The following CDKN3 variants were observed in gnomAD, a reference collection of about 807,000 sequenced individuals.
The protein encoded by CDKN3 is cyclin-dependent kinase inhibitor 3.
A neutral mutation model predicts 36.1 loss-of-function variants in CDKN3; 19 were observed. That is an observed-to-expected ratio of 0.53 (90% CI 0.37 to 0.77). The LOEUF (loss-of-function observed/expected upper bound fraction) is 0.77, where lower values mean the gene tolerates loss of function less well. CDKN3 is among the 30% of genes least tolerant of loss of function. The probability of loss-of-function intolerance (pLI) is 0.00; values close to 1 mark genes in which losing one functional copy is unlikely to be tolerated. For synonymous variants in CDKN3, 71 were observed against 85.3 expected, an observed-to-expected ratio of 0.83 and a Z score of 0.92; for missense variants, 188 against 248.6, an observed-to-expected ratio of 0.76 and a Z score of 1.64.
chr14:54,406,017 T>C (rs1050478546), intron 3 of CDKN3, among the ~76,000 whole-genome samples: 10 of 152,228 alleles, frequency 6.6e-5, no homozygotes. Flanking sequence ...TCAGGAGCTC[T>C]TGTAAGGCAG....
chr14:54,399,063 G>A (rs1451121285), intron 1 of CDKN3, among the ~76,000 whole-genome samples: 1 of 135,860 alleles, frequency 7.4e-6, no homozygotes, highest in Non-Finnish European at 1.5e-5. Flanking sequence ...CTGGCTCACT[G>A]CAACCTCTGC....
chr14:54,417,811 T>C, intron 6 of CDKN3, 37 bp from the exon 7 acceptor site: 1 of 1,172,854 alleles, frequency 8.5e-7, no homozygotes, highest in Non-Finnish European at 1.2e-6. Context: ...TCACTAGTTA[T>C]TTAATAACAT....
chr14:54,416,648 CTACAAGAAA>C (rs1348156255), intron 6 of CDKN3, among the ~76,000 whole-genome samples: 1 of 152,036 alleles, frequency 6.6e-6, no homozygotes, highest in Non-Finnish European at 1.5e-5. Flanking sequence ...AACCCCATCT[CTACAAGAAA>C]TACAAAAATT....
At chr14:54,415,854 G>T in intron 5 of CDKN3, 45 bp from the exon 6 acceptor site, 1 of 1,451,750 alleles carries the variant, frequency 6.9e-7, no homozygotes, top group Non-Finnish European at 9.7e-7. Flanking sequence ...TGTAACTAGG[G>T]ATGGAATGAA....
intron 1 of CDKN3, among the ~76,000 whole-genome samples, chr14:54,399,110 C>T (rs1886401869): frequency 6.6e-6 from 1 of 150,998 alleles, no homozygotes; most frequent in Non-Finnish European, 1.5e-5. Context: ...CTCAGCCTCC[C>T]GAGTAGCTGG....
intron 6 of CDKN3, 134 bp downstream of exon 6, chr14:54,416,064 G>A: frequency 1.5e-6 from 1 of 686,894 alleles, no homozygotes; most frequent in South Asian, 1.8e-5. Context: ...ATTACTTAAG[G>A]CCCTAAACAT....
chr14:54,413,553 TCA>T (rs2030431877), intron 5 of CDKN3: 2 of 1,260,390 alleles, frequency 1.6e-6, no homozygotes, highest in African/African-American at 3.0e-5. Flanking sequence ...GCTGAATGTT[TCA>T]GTCTCCCATA....
rs4251607 is a variant in CDKN3 at position 54,400,539 on chromosome 14, G to A, written c.92+563G>A. 1.1e-4 allele frequency among the ~76,000 whole-genome samples: 16 copies of A among 152,182 alleles called. No homozygotes were observed. The South Asian group carries it at 2.7e-3, about 26-fold the overall frequency. On this transcript the variant is annotated intron_variant, in intron 2 of 7. Transcript: ENST00000335183. ...TACATAAAATCAGCCTTTTAATCTTGGCAAGTGACTTATGGTTATACCAGA... is the reference window on the plus strand; with the variant it reads ...TACATAAAATCAGCCTTTTAATCTTAGCAAGTGACTTATGGTTATACCAGA...
chr14:54,399,798 C>T (rs1262989351), intron 1 of CDKN3, 96 bp from the exon 2 acceptor site: 4 of 725,966 alleles, frequency 5.5e-6, no homozygotes, highest in Non-Finnish European at 7.6e-6. Flanking sequence ...GAATACATTG[C>T]AAATATGAAT....
At chr14:54,411,737 A>G (rs1187244629) in intron 5 of CDKN3, 31 bp downstream of exon 5, 2 of 1,306,030 alleles carry the variant, frequency 1.5e-6, no homozygotes, top group Non-Finnish European at 2.2e-6. Context: ...ACTATGTGAG[A>G]AATGTCTCAG....
chr14:54,412,226 T>C lies in CDKN3; in HGVS notation c.416+520T>C, dbSNP rs4251641. Among the ~76,000 whole-genome samples the C allele has an allele frequency of 9.1e-3, 1,380 of 151,876 alleles. 10 individuals are homozygous for C. Among genetic ancestry groups the C allele is most frequent in the Non-Finnish European group, 0.015 (997 of 67,946 alleles). Reference sequence around the variant, plus strand: ...CAAAACCCCATCTCCGCAAAAAGTATACAAAAGAACATGCCAGGCATGGTG... The same window carrying C: ...CAAAACCCCATCTCCGCAAAAAGTACACAAAAGAACATGCCAGGCATGGTG... On this transcript the variant is annotated intron_variant, in intron 5 of 7. Coordinates refer to ENST00000335183, the MANE Select transcript of CDKN3 (RefSeq NM_005192.4).
intron 7 of CDKN3, among the ~76,000 whole-genome samples, chr14:54,418,732 A>T (rs1413264165): frequency 1.3e-5 from 2 of 152,160 alleles, no homozygotes; most frequent in Non-Finnish European, 2.9e-5. Context: ...ATTAACAGTG[A>T]ATTATCATAA....
At chr14:54,418,515 T>C (rs143679161) in intron 7 of CDKN3, 1 of 454,806 alleles carries the variant, frequency 2.2e-6, no homozygotes, top group East Asian at 3.9e-5. Context: ...CCAAGGATAT[T>C]GCATTAATCA....
At position 54,415,920 on chromosome 14, in the gene CDKN3, ATC is replaced by A; in HGVS notation, c.440_441del (p.Ser147LeufsTer13). On this transcript the variant is annotated frameshift_variant, in exon 6 of 8. Coordinates refer to ENST00000335183, the MANE Select transcript of CDKN3 (RefSeq NM_005192.4). LOFTEE classifies it high-confidence loss of function. ...LIHCYGGLGR[S>X]CLVAACLLLY... ...TCAGCTGCTATGGAGGACTTGGGAG[ATC>A]TTGTCTTGGTAAGAAATATATTTCT... 1.2e-6 allele frequency: 2 copies of A among 1,602,774 alleles called. No homozygotes were observed. The highest frequency in any genetic ancestry group is 1.7e-6 in the Non-Finnish European group (2 of 1,169,844).
At chr14:54,400,184 T>C (rs2029891466) in intron 2 of CDKN3, among the ~76,000 whole-genome samples, 1 of 151,014 alleles carries the variant, frequency 6.6e-6, no homozygotes, top group Non-Finnish European at 1.5e-5. Context: ...TAAGACCCTT[T>C]TTTTTTTTTG....
At chr14:54,400,829 C>A (rs2029912910) in intron 2 of CDKN3, among the ~76,000 whole-genome samples, 1 of 152,176 alleles carries the variant, frequency 6.6e-6, no homozygotes. Context: ...ACAAGGTGAG[C>A]CTCTGTCCCT....
intron 1 of CDKN3, among the ~76,000 whole-genome samples, chr14:54,397,335 G>T (rs1324782865): frequency 6.6e-6 from 1 of 152,266 alleles, no homozygotes; most frequent in African/African-American, 2.4e-5. Flanking sequence ...CCCCTGCGGG[G>T]TCTCATAAGC....
chr14:54,399,299 T>C (rs1052708599), intron 1 of CDKN3, among the ~76,000 whole-genome samples: 8 of 152,092 alleles, frequency 5.3e-5, no homozygotes, highest in African/African-American at 1.9e-4. Context: ...CCTATCTTCT[T>C]TAAAACCTGC....
intron 3 of CDKN3, among the ~76,000 whole-genome samples, chr14:54,407,314 C>T (rs180732578): frequency 0.014 from 2,143 of 152,302 alleles, 31 homozygotes; most frequent in Non-Finnish European, 0.019. Flanking sequence ...CGTTAGGAGG[C>T]GCGGGGTTCA....
Sources: allele counts gnomAD v4.1 joint callset (sites outside exome capture counted in the v4.1 genomes callset), GRCh38; gene constraint gnomAD v4.1.1; transcripts MANE v1.5; gene names NCBI Gene and HGNC (gene_info 2026-07-23, HGNC 2026-07-21).